The following CNTNAP5 variants were observed in gnomAD, a reference collection of about 807,000 sequenced individuals.
CNTNAP5 encodes contactin associated protein family member 5, also known as contactin-associated protein-like 5.
In CNTNAP5, 72 loss-of-function variants were observed where a neutral mutation model predicts 150.2. The ratio of observed to expected loss-of-function variants is 0.48; its 90% CI spans 0.40 to 0.58. CNTNAP5 has a LOEUF of 0.58. Among genes scored for constraint, CNTNAP5 ranks in the 20% least tolerant of loss-of-function variants. The pLI, the probability that CNTNAP5 is intolerant of heterozygous loss-of-function variation, is 0.00. For synonymous variants in CNTNAP5, 672 were observed against 619.8 expected, an observed-to-expected ratio of 1.08 and a Z score of -1.25; for missense variants, 1,636 against 1,626.2, an observed-to-expected ratio of 1.01 and a Z score of -0.10.
chr2:124,711,999 C>T (rs1679818364), intron 13 of CNTNAP5, among the ~76,000 whole-genome samples: 1 of 152,134 alleles, frequency 6.6e-6, no homozygotes, highest in South Asian at 2.1e-4. Context: ...GAATTACATC[C>T]ATTAGCAGAA....
At chr2:124,722,796 C>A (rs1200261481) in intron 13 of CNTNAP5, among the ~76,000 whole-genome samples, 1 of 152,180 alleles carries the variant, frequency 6.6e-6, no homozygotes, top group Non-Finnish European at 1.5e-5. Flanking sequence ...CTTTGAGTCA[C>A]CTTTGAGTCC....
At chr2:124,234,351 A>G (rs1686695995) in intron 2 of CNTNAP5, among the ~76,000 whole-genome samples, 2 of 152,214 alleles carry the variant, frequency 1.3e-5, no homozygotes, top group African/African-American at 4.8e-5. Flanking sequence ...AAAATTCTGC[A>G]AGGATGGAAA....
At position 124,300,222 on chromosome 2, in the gene CNTNAP5, G is replaced by A. The variant is rs966935559; in HGVS notation, c.381+57829G>A. Among the ~76,000 whole-genome samples, 11 of 152,134 alleles carry A rather than the reference G, an allele frequency of 7.2e-5. 1 individual carries two copies. In the South Asian group the frequency reaches 8.3e-4, roughly 11 times the overall value. ...CCTGTCTTTGATTACACTGACTTCC[G>A]TAGCATTTCCTCTTATCTTAGGTTT... On this transcript the variant is annotated intron_variant, in intron 3 of 23. Coordinates refer to ENST00000682447, the MANE Select transcript of CNTNAP5 (RefSeq NM_001367498.1).
At chr2:124,162,514 A>T (rs571072730) in intron 1 of CNTNAP5, among the ~76,000 whole-genome samples, 48 of 152,298 alleles carry the variant, frequency 3.2e-4, no homozygotes, top group Non-Finnish European at 2.1e-4. Context: ...TTCTCAAGTC[A>T]TCCACAGTAT....
At chr2:124,251,123 C>T (rs1289707523) in intron 3 of CNTNAP5, among the ~76,000 whole-genome samples, 2 of 152,088 alleles carry the variant, frequency 1.3e-5, no homozygotes, top group African/African-American at 4.8e-5. Context: ...ACCAAAGGAC[C>T]GTTCTGCTGC....
chr2:124,409,826 G>A (rs930444066), intron 3 of CNTNAP5, among the ~76,000 whole-genome samples: 1 of 151,952 alleles, frequency 6.6e-6, no homozygotes, highest in Non-Finnish European at 1.5e-5. Context: ...CAACTAACGA[G>A]CAAACTCACC....
intron 14 of CNTNAP5, among the ~76,000 whole-genome samples, chr2:124,757,706 A>G (rs1204963036): frequency 6.6e-6 from 1 of 152,134 alleles, no homozygotes; most frequent in Non-Finnish European, 1.5e-5. Flanking sequence ...TCATGAGTGA[A>G]ACTCTACTTC....
At chr2:124,323,596 A>G (rs1558850727) in intron 3 of CNTNAP5, among the ~76,000 whole-genome samples, 1 of 152,148 alleles carries the variant, frequency 6.6e-6, no homozygotes, top group African/African-American at 2.4e-5. Flanking sequence ...AGCCTCATCT[A>G]TGTATAGCCC....
At chr2:124,322,161 T>TAATAATAA (rs1689117070) in intron 3 of CNTNAP5, among the ~76,000 whole-genome samples, 3 of 149,132 alleles carry the variant, frequency 2.0e-5, no homozygotes, top group African/African-American at 7.4e-5. Flanking sequence ...AAAATAATAA[T>TAATAATAA]AATAAAATAA....
chr2:124,882,740 G>A (rs1677992254), intron 21 of CNTNAP5, among the ~76,000 whole-genome samples: 1 of 152,042 alleles, frequency 6.6e-6, no homozygotes. Context: ...ATATACTTGA[G>A]ATTGGGTAAT....
chr2:124,625,824 G>A (rs1469211470), intron 12 of CNTNAP5, among the ~76,000 whole-genome samples: 1 of 152,190 alleles, frequency 6.6e-6, no homozygotes, highest in African/African-American at 2.4e-5. Flanking sequence ...ACCTCACACT[G>A]TAACAAGAAA....
chr2:124,775,297 A>G (rs1228379599), intron 17 of CNTNAP5, among the ~76,000 whole-genome samples: 1 of 152,212 alleles, frequency 6.6e-6, no homozygotes, highest in Non-Finnish European at 1.5e-5. Context: ...GCTTAGTTAT[A>G]GTCACCAAAA....
At chr2:124,694,084 T>A (rs144401265) in intron 13 of CNTNAP5, among the ~76,000 whole-genome samples, 1 of 152,254 alleles carries the variant, frequency 6.6e-6, no homozygotes, top group East Asian at 1.9e-4. Flanking sequence ...CATTGCTGAG[T>A]TGGCACAGCT....
At chr2:124,092,817 G>A (rs1335234882) in intron 1 of CNTNAP5, among the ~76,000 whole-genome samples, 2 of 152,152 alleles carry the variant, frequency 1.3e-5, no homozygotes, top group South Asian at 2.1e-4. Flanking sequence ...ATTGTTTGAG[G>A]TGGTGTAAAA....
chr2:124,707,179 A>AGAAGAAGAAGAT (rs1558743883), intron 13 of CNTNAP5, among the ~76,000 whole-genome samples: 13 of 138,702 alleles, frequency 9.4e-5, no homozygotes, highest in Admixed American at 2.9e-4. Context: ...AAGAAGAAGA[A>AGAAGAAGAAGAT]GAAGAAGAAG....
intron 6 of CNTNAP5, among the ~76,000 whole-genome samples, chr2:124,471,138 T>C (rs190941247): frequency 2.6e-5 from 4 of 152,326 alleles, no homozygotes; most frequent in East Asian, 3.9e-4. Context: ...AGGAATAACA[T>C]TGAATCTATA....
chr2:124,216,390 T>C (rs1422443663), intron 1 of CNTNAP5, among the ~76,000 whole-genome samples: 5 of 152,178 alleles, frequency 3.3e-5, no homozygotes, highest in Non-Finnish European at 4.4e-5. Context: ...AATTCTTTTT[T>C]TTAAAATTAT....
chr2:124,852,983 C>T (rs1683187945), intron 19 of CNTNAP5, among the ~76,000 whole-genome samples: 1 of 152,196 alleles, frequency 6.6e-6, no homozygotes, highest in African/African-American at 2.4e-5. Flanking sequence ...TGAGGACAAT[C>T]TGGTTAGCAG....
chr2:124,145,844 A>AAAAT lies in CNTNAP5; in HGVS notation c.83-75859_83-75858insATAA, dbSNP rs1573789288. On this transcript the variant is annotated intron_variant, in intron 1 of 23. Coordinates refer to ENST00000682447, the MANE Select transcript of CNTNAP5 (RefSeq NM_001367498.1). The stretch of plus-strand genomic sequence containing the variant: ...AAAAAAAAAAGAAGAAAAAAAAAAA[A>AAAAT]AATAAAATATATTTAATGGGATTTG... 4.2e-5 allele frequency among the ~76,000 whole-genome samples: 6 copies of AAAAT among 142,574 alleles called. No individual in the cohort carries two copies. The South Asian group carries it at 1.1e-3, about 26-fold the overall frequency. The allele number at this position is 142,574 out of a possible 152,430, so 93.5% of individuals were successfully genotyped here.
Sources: allele counts gnomAD v4.1 joint callset (sites outside exome capture counted in the v4.1 genomes callset), GRCh38; gene constraint gnomAD v4.1.1; transcripts MANE v1.5; gene names NCBI Gene and HGNC (gene_info 2026-07-23, HGNC 2026-07-21).